The following NPY1R variants were observed in gnomAD, a reference collection of about 807,000 sequenced individuals.
The protein encoded by NPY1R is neuropeptide Y receptor Y1.
A neutral mutation model predicts 24.1 loss-of-function variants in NPY1R; 10 were observed. The ratio of observed to expected loss-of-function variants is 0.42; its 90% CI spans 0.26 to 0.71. The LOEUF is 0.71. NPY1R is among the 30% of genes least tolerant of loss of function. The pLI is 0.28. For missense variants in NPY1R, 350 were observed against 458.0 expected (o/e 0.76, Z 2.15); for synonymous variants, 168 against 165.9 (o/e 1.01, Z -0.10).
intron 1 of NPY1R, among the ~76,000 whole-genome samples, chr4:163,332,094 C>T (rs1265640880): frequency 6.6e-6 from 1 of 152,248 alleles, no homozygotes; most frequent in Non-Finnish European, 1.5e-5. Flanking sequence ...CGCCTCCAGC[C>T]AGCTCAAGAC....
At chr4:163,329,495 G>C (rs1734680315) in intron 1 of NPY1R, among the ~76,000 whole-genome samples, 2 of 152,054 alleles carry the variant, frequency 1.3e-5, no homozygotes, top group African/African-American at 2.4e-5. Context: ...CAGCTACTCG[G>C]GAGGCTGTGG....
At chr4:163,329,909 T>A (rs1006348453) in intron 1 of NPY1R, among the ~76,000 whole-genome samples, 36 of 152,116 alleles carry the variant, frequency 2.4e-4, no homozygotes, top group Non-Finnish European at 4.3e-4. Context: ...CTTTTTTTTT[T>A]ATGGTCTGTG....
intron 1 of NPY1R, chr4:163,330,747 C>T (rs140340535): frequency 6.6e-6 from 1 of 152,228 alleles, no homozygotes; most frequent in Non-Finnish European, 1.5e-5. Flanking sequence ...ATTTCCTCTT[C>T]TTTCTTTCCA....
upstream of NPY1R, among the ~76,000 whole-genome samples, chr4:163,337,383 C>A (rs554353297): frequency 6.6e-6 from 1 of 152,160 alleles, no homozygotes; most frequent in Non-Finnish European, 1.5e-5. Flanking sequence ...GAAATTCCAC[C>A]CCTCTCCCAG....
chr4:163,338,954 A>G lies in NPY1R; in HGVS notation c.-152+5351T>C, dbSNP rs1042264074. Among the ~76,000 whole-genome samples, 13 of 152,232 alleles carry G rather than the reference A, an allele frequency of 8.5e-5. No individual in the cohort carries two copies. The East Asian group carries it at 2.3e-3, about 27-fold the overall frequency. On this transcript the variant is annotated intron_variant, in intron 1 of 1. Transcript: ENST00000511901. ...CTGGTCTCAGATTGCCACTGATTTT[A>G]TCTCCTAAGTATCTCTCACGTGTGT...
chr4:163,340,589 A>G (rs1734956119), intron 1 of NPY1R, among the ~76,000 whole-genome samples: 1 of 152,078 alleles, frequency 6.6e-6, no homozygotes, highest in African/African-American at 2.4e-5. Flanking sequence ...TTTGTAATGC[A>G]TGCTAATTAA....
intron 1 of NPY1R, among the ~76,000 whole-genome samples, chr4:163,343,460 T>TTTTC (rs376912192): frequency 6.6e-6 from 1 of 151,894 alleles, no homozygotes; most frequent in Non-Finnish European, 1.5e-5. Context: ...GTTTTGTCTT[T>TTTTC]TTTCTTTCTT....
In NPY1R at chr4:163,325,314, CATT is replaced by C. The variant is rs1560854839; in HGVS notation, c.1141_1143del (p.Asn381del). ...GGCTATAAGTAGTTTCAGATTTTTT[CATT>C]ATCATCATTGTTGTTGATTTTTTTA... On this transcript the variant is annotated inframe_deletion, in exon 3 of 3. Transcript: ENST00000296533. 1 of 1,605,028 alleles carries C rather than the reference CATT, an allele frequency of 6.2e-7. No individual in the cohort carries two copies. Among genetic ancestry groups the C allele is most frequent in the African/African-American group, 1.3e-5 (1 of 74,266 alleles).
At chr4:163,337,745 G>A (rs1560860666), upstream of NPY1R, among the ~76,000 whole-genome samples, 1 of 152,172 alleles carries the variant, frequency 6.6e-6, no homozygotes, top group Non-Finnish European at 1.5e-5. Flanking sequence ...ACTTTTCTTA[G>A]CTTAGGACTA....
At position 163,325,212 on chromosome 4, in the gene NPY1R, C is replaced by T; in HGVS notation, c.*91G>A. ...AGTCATTTTCAAATGATTTCAACCC[C>T]ATTCCTTGGGAGAACAGGTAATCAA... On this transcript the variant is annotated 3_prime_UTR_variant, in exon 3 of 3. Coordinates refer to ENST00000296533, the MANE Select transcript of NPY1R (RefSeq NM_000909.6). The T allele has an allele frequency of 2.2e-6, 2 of 892,694 alleles. No individual in the cohort carries two copies. Among genetic ancestry groups the T allele is most frequent in the Non-Finnish European group, 3.5e-6 (2 of 572,722 alleles). 55.3% of individuals were successfully genotyped at this position (892,694 alleles called of 1,614,324 possible). A position where few individuals can be genotyped will look rare whatever the true frequency, so the allele number is the denominator to read the frequency against.
chr4:163,325,512 T>C lies in NPY1R; in HGVS notation c.946A>G (p.Asn316Asp). ...HLTAMISTCV[N>D]PIFYGFLNKN... The stretch of plus-strand genomic sequence containing the variant: ...TTCAGGAACCCATAAAATATGGGGT[T>C]GACACAAGTGGATATCATTGCTGTG... Residue 316 changes from asparagine to aspartate, a missense_variant, in exon 3 of 3, where the codon AAC becomes GAC. Asn to Asp is a conservative substitution (Grantham distance 23, BLOSUM62 1). Transcript: ENST00000296533. 6.2e-7 allele frequency: 1 copy of C among 1,614,106 alleles called. No homozygotes were observed. Among genetic ancestry groups the C allele is most frequent in the South Asian group, 1.1e-5 (1 of 91,072 alleles).
chr4:163,333,791 CTGGA>C (rs1734784267), upstream of NPY1R, among the ~76,000 whole-genome samples: 1 of 152,150 alleles, frequency 6.6e-6, no homozygotes, highest in Non-Finnish European at 1.5e-5. Context: ...AACACAATCT[CTGGA>C]TGTTTTTCCA....
chr4:163,331,214 G>C (rs1734719772), intron 1 of NPY1R: 1 of 152,758 alleles, frequency 6.5e-6, no homozygotes, highest in Admixed American at 6.5e-5. Flanking sequence ...GCCTGTGTGT[G>C]CCATCCCGCC....
At chr4:163,336,049 G>A (rs1338792692), upstream of NPY1R, among the ~76,000 whole-genome samples, 1 of 152,146 alleles carries the variant, frequency 6.6e-6, no homozygotes, top group Non-Finnish European at 1.5e-5. Flanking sequence ...GAGTATACAA[G>A]TGCACAGACA....
At chr4:163,334,633 A>T (rs550031284), upstream of NPY1R, among the ~76,000 whole-genome samples, 1 of 152,266 alleles carries the variant, frequency 6.6e-6, no homozygotes, top group African/African-American at 2.4e-5. Flanking sequence ...AGGCCTAGGC[A>T]GGTGGATCAT....
chr4:163,341,302 C>T (rs1734974966), intron 1 of NPY1R, among the ~76,000 whole-genome samples: 1 of 151,974 alleles, frequency 6.6e-6, no homozygotes, highest in Admixed American at 6.6e-5. Flanking sequence ...GAAACATTTA[C>T]CCTTAAGGAA....
Position 163,325,331 on chromosome 4 carries a change from T to C in NPY1R, c.1127A>G (p.Asn376Ser), listed in dbSNP as rs761488370. The C allele has an allele frequency of 6.2e-7, 1 of 1,611,174 alleles. No individual in the cohort carries two copies. Among genetic ancestry groups the C allele is most frequent in the Admixed American group, 1.7e-5 (1 of 59,362 alleles). ...GATTTTTTCATTATCATCATTGTTGTTGATTTTTTTAAATGCGACTGGGCT... is the reference window on the plus strand; with the variant it reads ...GATTTTTTCATTATCATCATTGTTGCTGATTTTTTTAAATGCGACTGGGCT... Reference protein sequence around the residue: ...QASPVAFKKINNNDDNEKI With the variant: ...QASPVAFKKISNNDDNEKI Residue 376 changes from asparagine (N) to serine (S), a missense_variant, in exon 3 of 3, where the codon AAC becomes AGC. Coordinates refer to ENST00000296533, the MANE Select transcript of NPY1R (RefSeq NM_000909.6).
intron 1 of NPY1R, among the ~76,000 whole-genome samples, chr4:163,343,542 G>T (rs2110829168): frequency 6.6e-6 from 1 of 151,664 alleles, no homozygotes; most frequent in Non-Finnish European, 1.5e-5. Context: ...GTCGAAGCTT[G>T]TTCTCAGGAA....
chr4:163,325,722 C>T lies in NPY1R; in HGVS notation c.736G>A (p.Asp246Asn), dbSNP rs1734589139. 1.2e-6 allele frequency: 2 copies of T among 1,600,716 alleles called. No homozygotes were observed. Among genetic ancestry groups the T allele is most frequent in the South Asian group, 1.1e-5 (1 of 90,566 alleles). The change falls in exon 3 of 3, where the codon GAC (aspartate) becomes AAC (asparagine). Residue 246 changes from aspartate to asparagine, a missense_variant. Coordinates refer to ENST00000296533, the MANE Select transcript of NPY1R (RefSeq NM_000909.6). ...IRLKRRNNMM[D>N]KMRDNKYRSS... ...CTGTACTTATTGTCTCTCATCTTGT[C>T]CATCATGTTGTTTCTCCTTTTTAGG...
Sources: gnomAD v4.1 joint callset for allele counts (sites outside exome capture counted in the v4.1 genomes callset) on GRCh38, gnomAD v4.1.1 for gene constraint, MANE v1.5 for transcripts, NCBI Gene and HGNC (gene_info 2026-07-23, HGNC 2026-07-21) for gene names.